CDH13: variants seen among roughly 807,000 people sequenced by gnomAD.
CDH13 encodes the protein cadherin 13, also known as cadherin-13.
CDH13 carries 24 observed loss-of-function variants against 63.8 expected under a neutral mutation model. The observed-to-expected ratio is 0.38, with a 90% confidence interval of 0.27 to 0.53. The LOEUF is 0.53. Ranked by LOEUF, CDH13 falls within the 20% of genes least tolerant of loss-of-function variation. The pLI, the probability that CDH13 is intolerant of heterozygous loss-of-function variation, is 0.85. For missense variants in CDH13, 1,049 were observed against 903.1 expected (o/e 1.16, Z -2.07); for synonymous variants, 503 against 355.3 (o/e 1.42, Z -4.67).
At chr16:83,392,772 G>A (rs189457802) in intron 6 of CDH13, among the ~76,000 whole-genome samples, 2 of 152,080 alleles carry the variant, frequency 1.3e-5, no homozygotes, top group Non-Finnish European at 2.9e-5. Flanking sequence ...GTAATTACAC[G>A]CTAAATTATG....
At chr16:82,963,959 G>T (rs1475172775) in intron 2 of CDH13, among the ~76,000 whole-genome samples, 1 of 152,178 alleles carries the variant, frequency 6.6e-6, no homozygotes, top group East Asian at 1.9e-4. Context: ...TGACTCCTTT[G>T]TGGGAGTCCC....
rs149697368 is a variant in CDH13 at position 83,292,523 on chromosome 16, C to T, written c.637-52339C>T. ...GCCACAGCGACAAAAAGTGTAGAGC[C>T]ATCTTTTTGTTTTGCAGCCTCTATT... On this transcript the variant is annotated intron_variant, in intron 5 of 13. Transcript: ENST00000567109. 6.9e-3 allele frequency among the ~76,000 whole-genome samples: 1,042 copies of T among 152,072 alleles called. 4 individuals are homozygous for T. The highest frequency in any genetic ancestry group is 0.014 in the Middle Eastern group (4 of 294).
At chr16:82,822,937 A>G (rs1597708087) in intron 1 of CDH13, among the ~76,000 whole-genome samples, 1 of 152,276 alleles carries the variant, frequency 6.6e-6, no homozygotes, top group East Asian at 1.9e-4. Context: ...CCGAGGCTGG[A>G]GTCATCTGGA....
At chr16:83,240,703 T>A (rs11865239) in intron 5 of CDH13, among the ~76,000 whole-genome samples, 7,972 of 137,588 alleles carry the variant, frequency 0.058, 1,131 homozygotes, top group African/African-American at 0.22. Flanking sequence ...TGACTTTAAA[T>A]TTACTGTCTT....
At chr16:83,372,096 T>C (rs1039895251) in intron 6 of CDH13, among the ~76,000 whole-genome samples, 1 of 152,120 alleles carries the variant, frequency 6.6e-6, no homozygotes, top group Non-Finnish European at 1.5e-5. Context: ...TGATGAGAGG[T>C]CATCATGGGC....
intron 5 of CDH13, among the ~76,000 whole-genome samples, chr16:83,301,252 C>A (rs566370411): frequency 2.0e-5 from 3 of 151,918 alleles, no homozygotes; most frequent in East Asian, 1.9e-4. Context: ...AAGATGGTCT[C>A]GATCTCCTGA....
rs144629692 is a variant in CDH13 at position 83,096,644 on chromosome 16, T to C, written c.367-28741T>C. Among the ~76,000 whole-genome samples the C allele has an allele frequency of 2.8e-3, 423 of 152,310 alleles. 2 individuals carry two copies. The highest frequency in any genetic ancestry group is 0.014 in the Middle Eastern group (4 of 294). The stretch of plus-strand genomic sequence containing the variant: ...GCTGCGCTTTCCAGTCGTGTGTCAA[T>C]GCAAAGTGAGCGGATTTGGGTTTAA... On this transcript the variant is annotated intron_variant, in intron 3 of 13. Coordinates refer to ENST00000567109, the MANE Select transcript of CDH13 (RefSeq NM_001257.5).
intron 8 of CDH13, among the ~76,000 whole-genome samples, chr16:83,618,431 A>AG (rs1909493161): frequency 6.6e-6 from 1 of 151,954 alleles, no homozygotes; most frequent in East Asian, 1.9e-4. Context: ...AAAAAAAAAA[A>AG]AAAGAAAAAG....
chr16:83,668,866 T>C (rs941298780), intron 8 of CDH13, among the ~76,000 whole-genome samples: 1 of 152,226 alleles, frequency 6.6e-6, no homozygotes, highest in African/African-American at 2.4e-5. Context: ...GTAGCATTAA[T>C]TGATCACAGC....
chr16:83,747,389 ACT>A (rs1912685818), intron 10 of CDH13, among the ~76,000 whole-genome samples: 1 of 151,836 alleles, frequency 6.6e-6, no homozygotes, highest in African/African-American at 2.4e-5. Context: ...GCTTGGTTTC[ACT>A]CTCTCGTCTG....
At position 82,676,489 on chromosome 16, in the gene CDH13, T is replaced by TC. The variant is rs200255174; in HGVS notation, c.45+49352_45+49353insC. Among the ~76,000 whole-genome samples, 1,078 of 139,610 alleles carry TC rather than the reference T, an allele frequency of 7.7e-3. 19 individuals carry two copies. Among genetic ancestry groups the TC allele is most frequent in the African/African-American group, 0.027 (1,001 of 37,252 alleles). The allele number at this position is 139,610 out of a possible 152,430, so 91.6% of individuals were successfully genotyped here. A position where few individuals can be genotyped will look rare whatever the true frequency, so the allele number is the denominator to read the frequency against. On this transcript the variant is annotated intron_variant, in intron 1 of 13. Transcript: ENST00000567109. ...CTAATCTGAGCTACCATCATTTCTT[T>TC]TTTTTTTTTTTTTTTTTTGCCTTGA...
chr16:82,715,065 C>T (rs1347193085), intron 1 of CDH13, among the ~76,000 whole-genome samples: 1 of 148,274 alleles, frequency 6.7e-6, no homozygotes, highest in African/African-American at 2.5e-5. Context: ...ACCAAGAGGC[C>T]TGGCTTGGGG....
rs138550327 is a variant in CDH13, at chr16:83,492,403, G to A, written c.960+5748G>A. On this transcript the variant is annotated intron_variant, in intron 7 of 13. Transcript: ENST00000567109. ...AGGAATATTATCTTGCTTTGTTTTG[G>A]TGGGTGGGACCAGAATGATTCAGAT... Among the ~76,000 whole-genome samples the A allele has an allele frequency of 3.8e-4, 58 of 152,212 alleles. No homozygotes were observed. In the East Asian group the frequency reaches 0.011, roughly 29 times the overall value.
chr16:83,542,240 G>C (rs74357375), intron 7 of CDH13, among the ~76,000 whole-genome samples: 1 of 152,192 alleles, frequency 6.6e-6, no homozygotes, highest in Non-Finnish European at 1.5e-5. Flanking sequence ...GCACCTTAGA[G>C]TCACCCTATC....
chr16:83,549,792 C>G (rs1293591257), intron 7 of CDH13, among the ~76,000 whole-genome samples: 2 of 152,098 alleles, frequency 1.3e-5, no homozygotes, highest in Non-Finnish European at 2.9e-5. Context: ...GTAATCCCTT[C>G]GAGGAGAGGT....
At chr16:83,535,521 A>G (rs2075165739) in intron 7 of CDH13, among the ~76,000 whole-genome samples, 1 of 152,196 alleles carries the variant, frequency 6.6e-6, no homozygotes, top group Admixed American at 6.5e-5. Flanking sequence ...GGACAGTCAC[A>G]GGCATCTGTG....
At chr16:83,173,726 C>A (rs1434941975) in intron 4 of CDH13, among the ~76,000 whole-genome samples, 5 of 152,032 alleles carry the variant, frequency 3.3e-5, no homozygotes, top group African/African-American at 1.2e-4. Flanking sequence ...AGCCAAAGAT[C>A]CCTGCCTCTC....
intron 3 of CDH13, among the ~76,000 whole-genome samples, chr16:83,109,001 T>A (rs2034928643): frequency 6.6e-6 from 1 of 152,116 alleles, no homozygotes; most frequent in African/African-American, 2.4e-5. Context: ...CCACATTTCC[T>A]GGGATGACCC....
chr16:82,829,523 A>G (rs1010704240), intron 1 of CDH13: 5 of 152,178 alleles, frequency 3.3e-5, no homozygotes, highest in African/African-American at 4.8e-5. Context: ...AGGGTGGAAA[A>G]GTGCAGTCGG....
Sources: allele counts gnomAD v4.1 joint callset (sites outside exome capture counted in the v4.1 genomes callset), GRCh38; gene constraint gnomAD v4.1.1; transcripts MANE v1.5; gene names NCBI Gene and HGNC (gene_info 2026-07-23, HGNC 2026-07-21).